NWD1: variants seen among roughly 807,000 people sequenced by gnomAD.
NWD1 encodes NACHT and WD repeat domain containing 1, also known as NACHT domain- and WD repeat-containing protein 1.
Under a neutral mutation model 135.1 loss-of-function variants are expected in NWD1, and 129 were observed. The ratio of observed to expected loss-of-function variants is 0.96; its 90% confidence interval spans 0.83 to 1.11. The LOEUF is 1.11. NWD1 is among the 50% of genes least tolerant of loss of function. The pLI, the probability that NWD1 is intolerant of heterozygous loss-of-function variation, is 0.00. For missense variants in NWD1, 1,740 were observed against 1,851.3 expected (o/e 0.94, Z 1.10); for synonymous variants, 773 against 786.0 (o/e 0.98, Z 0.28).
intron 11 of NWD1, among the ~76,000 whole-genome samples, chr19:16,773,779 T>C (rs919500135): frequency 6.6e-6 from 1 of 152,084 alleles, no homozygotes; most frequent in African/African-American, 2.4e-5. Flanking sequence ...CTTCCATTCA[T>C]CCAACCATCT....
chr19:16,757,157 A>G (rs1193527123), intron 6 of NWD1, among the ~76,000 whole-genome samples: 2 of 151,770 alleles, frequency 1.3e-5, no homozygotes, highest in African/African-American at 4.8e-5. Context: ...CAAAACCATC[A>G]CCCCTACCCT....
intron 11 of NWD1, among the ~76,000 whole-genome samples, chr19:16,774,612 C>G (rs1568369968): frequency 6.6e-6 from 1 of 151,872 alleles, no homozygotes; most frequent in African/African-American, 2.4e-5. Context: ...ATCCATCCAT[C>G]CATTCATCAA....
At chr19:16,744,226 C>A (rs1018910806) in intron 4 of NWD1, among the ~76,000 whole-genome samples, 195 bp from the exon 5 acceptor site, 3 of 151,738 alleles carry the variant, frequency 2.0e-5, no homozygotes, top group Non-Finnish European at 2.9e-5. Flanking sequence ...CTATCTGTAC[C>A]GAAAATAAAA....
At chr19:16,778,035 G>A (rs1969719068) in intron 11 of NWD1, among the ~76,000 whole-genome samples, 1 of 150,874 alleles carries the variant, frequency 6.6e-6, no homozygotes. Context: ...GGGAAAGGGA[G>A]GGAAGGGGAG....
rs1033755248 is a variant in NWD1, at chr19:16,762,206, C to T, written c.2133+68C>T. On this transcript the variant is annotated intron_variant, in intron 8 of 18. Transcript: ENST00000524140. ...CCTGCCTGGCATTGCTCACCTCCTT[C>T]CTTCCCCTTTTTGCACTCGAAATGT... 18 of 1,466,432 alleles carry T rather than the reference C, an allele frequency of 1.2e-5. No homozygotes were observed. In the African/African-American group the frequency reaches 2.2e-4, roughly 18 times the overall value. The allele number at this position is 1,466,432 out of a possible 1,614,324, so 90.8% of individuals were successfully genotyped here.
intron 4 of NWD1, among the ~76,000 whole-genome samples, 163 bp from the exon 5 acceptor site, chr19:16,744,258 G>C (rs1260190844): frequency 6.6e-6 from 1 of 152,094 alleles, no homozygotes; most frequent in Non-Finnish European, 1.5e-5. Context: ...AGCTGGGTAT[G>C]GTGGCATGTG....
chr19:16,809,885 T>A lies in NWD1; in HGVS notation c.4287+1749T>A, dbSNP rs555482477. Among the ~76,000 whole-genome samples the A allele has an allele frequency of 1.2e-3, 183 of 152,156 alleles. 2 individuals carry two copies. Among genetic ancestry groups the A allele is most frequent in the Middle Eastern group, 6.8e-3 (2 of 294 alleles). ...CCGTGCTATTTCTTTATCCAACTGA[T>A]ACTTATTGAAAAACCTCTGCCAGGA... On this transcript the variant is annotated intron_variant, in intron 18 of 18. Transcript: ENST00000524140.
intron 4 of NWD1, among the ~76,000 whole-genome samples, chr19:16,742,247 C>T (rs1057261776): frequency 2.6e-5 from 4 of 151,660 alleles, no homozygotes; most frequent in Non-Finnish European, 5.9e-5. Context: ...TGGTGGCTCA[C>T]GCCTGTAATC....
In NWD1 at chr19:16,759,305, C is replaced by T; in HGVS notation, c.1850C>T (p.Thr617Ile). 3.1e-6 allele frequency: 5 copies of T among 1,614,104 alleles called. No individual in the cohort carries two copies. The highest frequency in any genetic ancestry group is 3.4e-6 in the Non-Finnish European group (4 of 1,179,968). The change falls in exon 7 of 19, where the codon ACC (threonine) becomes ATC (isoleucine). Residue 617 changes from threonine to isoleucine, a missense_variant. Thr to Ile is a moderately conservative substitution (Grantham distance 89). Transcript: ENST00000524140. ...CTGCAGGATGTGTACCGAGATTGGA[C>T]CCCGCCCAGCAAGGAGCTGCTGCGC... ...EVLQDVYRDW[T>I]PPSKELLRFP...
At chr19:16,782,121 A>G (rs1018188462) in intron 12 of NWD1, among the ~76,000 whole-genome samples, 2 of 148,672 alleles carry the variant, frequency 1.3e-5, no homozygotes, top group Admixed American at 6.7e-5. Flanking sequence ...AAAAAAAAAG[A>G]ATCTAATCTA....
At chr19:16,793,736 C>T (rs1385264359) in intron 14 of NWD1, among the ~76,000 whole-genome samples, 4 of 151,746 alleles carry the variant, frequency 2.6e-5, no homozygotes. Flanking sequence ...GCCACCACGC[C>T]CGGCTAATTT....
intron 3 of NWD1, among the ~76,000 whole-genome samples, chr19:16,735,728 A>G (rs1239565240): frequency 2.0e-5 from 3 of 151,224 alleles, no homozygotes; most frequent in African/African-American, 7.3e-5. Context: ...TACTCAGGAG[A>G]CTGAGGCATA....
Position 16,794,485 on chromosome 19 carries a change from T to C in NWD1, c.3236T>C (p.Leu1079Ser), listed in dbSNP as rs779286249. 1.2e-6 allele frequency: 2 copies of C among 1,611,830 alleles called. No individual in the cohort carries two copies. Among genetic ancestry groups the C allele is most frequent in the South Asian group, 2.2e-5 (2 of 90,572 alleles). Residue 1079 changes from leucine to serine, a missense_variant, in exon 15 of 19, where the codon TTG becomes TCG. Transcript: ENST00000524140. ...CAGGTTTCCTCCAAAGGGGACAGATTGCTGGAGAAGCTTCCAGATGCTGTG... is the reference window on the plus strand; with the variant it reads ...CAGGTTTCCTCCAAAGGGGACAGATCGCTGGAGAAGCTTCCAGATGCTGTG... ...ISLVSSKGDR[L>S]LEKLPDAVRF...
In NWD1 at chr19:16,816,634, C is replaced by T. The variant is rs1459286188; in HGVS notation, c.*1595C>T. 1 of 152,224 alleles carries T rather than the reference C, an allele frequency of 6.6e-6. No individual in the cohort carries two copies. The highest frequency in any genetic ancestry group is 1.5e-5 in the Non-Finnish European group (1 of 68,044). 9.4% of individuals were successfully genotyped at this position (152,224 alleles called of 1,614,324 possible). ...ATCTTTCTTCTTTGCCCACAGCCTT[C>T]TAAAAGCCCTTCTCAGTCTTCTCAG... is the stretch of plus-strand genomic sequence containing the variant. On this transcript the variant is annotated 3_prime_UTR_variant, in exon 19 of 19. Coordinates refer to ENST00000524140, the MANE Select transcript of NWD1 (RefSeq NM_001007525.5).
intron 4 of NWD1, among the ~76,000 whole-genome samples, chr19:16,742,183 T>A (rs545191851): frequency 6.6e-6 from 1 of 152,132 alleles, no homozygotes; most frequent in Non-Finnish European, 1.5e-5. Context: ...GAGACCAGCC[T>A]GGCCAACATG....
chr19:16,769,622 A>G (rs541482619), intron 10 of NWD1, among the ~76,000 whole-genome samples: 94 of 152,218 alleles, frequency 6.2e-4, no homozygotes, highest in Middle Eastern at 6.8e-3. Flanking sequence ...ACTGCCCCAG[A>G]CAGTGATGGA....
chr19:16,769,235 G>A (rs555799519), intron 10 of NWD1, among the ~76,000 whole-genome samples: 13 of 152,250 alleles, frequency 8.5e-5, no homozygotes, highest in Admixed American at 7.9e-4. Context: ...GCTGAGGCAG[G>A]CAGATCACTT....
chr19:16,738,293 G>A, intron 4 of NWD1: 1 of 443,008 alleles, frequency 2.3e-6, no homozygotes, highest in Non-Finnish European at 4.6e-6. Context: ...CCATGGCCAG[G>A]TATGGTGGCT....
In NWD1 at chr19:16,779,420, G is replaced by A; in HGVS notation, c.2686G>A (p.Asp896Asn). ...GTQDGIMAVW[D>N]MEEQHVIHML... Reference sequence around the variant, plus strand: ...CCAGGATGGCATCATGGCTGTGTGGGACATGGAAGAGCAGCATGTGATCCA... The same window carrying A: ...CCAGGATGGCATCATGGCTGTGTGGAACATGGAAGAGCAGCATGTGATCCA... The change falls in exon 12 of 19, where the codon GAC becomes AAC. Residue 896 changes from aspartate to asparagine, a missense_variant. Physicochemically the swap from Asp to Asn is conservative, Grantham distance 23. Transcript: ENST00000524140. 1 of 1,613,722 alleles carries A rather than the reference G, an allele frequency of 6.2e-7. No individual in the cohort carries two copies. Among genetic ancestry groups the A allele is most frequent in the South Asian group, 1.1e-5 (1 of 91,078 alleles).
Sources: gnomAD v4.1 joint callset for allele counts (sites outside exome capture counted in the v4.1 genomes callset) on GRCh38, gnomAD v4.1.1 for gene constraint, MANE v1.5 for transcripts, NCBI Gene and HGNC (gene_info 2026-07-23, HGNC 2026-07-21) for gene names.